Variants in PDE4D observed in about 807,000 individuals in gnomAD.
PDE4D encodes the protein 3',5'-cyclic-AMP phosphodiesterase 4D.
Under a neutral mutation model 87.4 loss-of-function variants are expected in PDE4D, and 24 were observed. The observed-to-expected ratio is 0.27, with a 90% CI of 0.20 to 0.39. The LOEUF is 0.39. Ranked by LOEUF, PDE4D falls within the 10% of genes least tolerant of loss-of-function variation. PDE4D has a pLI of 1.00. For missense variants in PDE4D, 714 were observed against 1,041.0 expected, an observed-to-expected ratio of 0.69 and a Z score of 4.32; for synonymous variants, 384 against 383.2, an observed-to-expected ratio of 1.00 and a Z score of -0.02.
intron 2 of PDE4D, among the ~76,000 whole-genome samples, chr5:60,153,855 G>C (rs1562159010): frequency 6.6e-6 from 1 of 152,210 alleles, no homozygotes; most frequent in Admixed American, 6.5e-5. Context: ...GCCAGGGTCT[G>C]AGGAGGGGGA....
At chr5:60,090,001 T>C (rs960782964) in intron 2 of PDE4D, among the ~76,000 whole-genome samples, 1 of 151,856 alleles carries the variant, frequency 6.6e-6, no homozygotes, top group African/African-American at 2.4e-5. Flanking sequence ...AAACCAGTAA[T>C]GAGTATGAGA....
chr5:59,767,397 T>C (rs995169541), intron 1 of PDE4D, among the ~76,000 whole-genome samples: 2 of 152,164 alleles, frequency 1.3e-5, no homozygotes, highest in Non-Finnish European at 2.9e-5. Context: ...GAGTTTGGAA[T>C]GGCCTCTACT....
At chr5:59,658,741 C>T (rs1417961264) in intron 1 of PDE4D, among the ~76,000 whole-genome samples, 1 of 152,070 alleles carries the variant, frequency 6.6e-6, no homozygotes, top group African/African-American at 2.4e-5. Flanking sequence ...ATATACATTG[C>T]CAATGCCAAA....
At chr5:59,259,280 C>G (rs1761539526) in intron 1 of PDE4D, among the ~76,000 whole-genome samples, 1 of 151,780 alleles carries the variant, frequency 6.6e-6, no homozygotes, top group Non-Finnish European at 1.5e-5. Context: ...GCTTTTCCCC[C>G]TTGTCCAAAA....
intron 5 of PDE4D, among the ~76,000 whole-genome samples, chr5:59,086,365 C>T (rs976939981): frequency 3.9e-5 from 6 of 152,118 alleles, no homozygotes; most frequent in African/African-American, 1.4e-4. Flanking sequence ...CAAAGAATAC[C>T]TTCTCCATCA....
At chr5:60,338,060 T>A (rs766102506) in intron 1 of PDE4D, among the ~76,000 whole-genome samples, 1 of 152,146 alleles carries the variant, frequency 6.6e-6, no homozygotes, top group Non-Finnish European at 1.5e-5. Flanking sequence ...AGTTCAGCCT[T>A]CAAAGCAGGG....
At chr5:59,294,473 G>A (rs567717804) in intron 1 of PDE4D, among the ~76,000 whole-genome samples, 2 of 152,200 alleles carry the variant, frequency 1.3e-5, no homozygotes, top group African/African-American at 4.8e-5. Flanking sequence ...CTGACACTCT[G>A]GGCTACACAG....
At chr5:59,053,684 G>A (rs532281322) in intron 5 of PDE4D, among the ~76,000 whole-genome samples, 7 of 122,988 alleles carry the variant, frequency 5.7e-5, no homozygotes, top group Non-Finnish European at 9.6e-5. Flanking sequence ...GGCCAGGCAC[G>A]GTCGCTCATG....
At chr5:60,371,339 G>T (rs929748463) in intron 1 of PDE4D, among the ~76,000 whole-genome samples, 3 of 152,164 alleles carry the variant, frequency 2.0e-5, no homozygotes, top group Admixed American at 2.0e-4. Context: ...CGTTCAGTCC[G>T]CCATGTGGTG....
intron 1 of PDE4D, among the ~76,000 whole-genome samples, chr5:59,410,791 A>G (rs898376923): frequency 6.6e-6 from 1 of 152,084 alleles, no homozygotes; most frequent in Non-Finnish European, 1.5e-5. Flanking sequence ...TATTGTGAAT[A>G]GTGCTACAAT....
intron 1 of PDE4D, among the ~76,000 whole-genome samples, chr5:59,719,760 A>G (rs905431966): frequency 6.6e-6 from 1 of 152,214 alleles, no homozygotes; most frequent in Non-Finnish European, 1.5e-5. Flanking sequence ...ATAGCATAAC[A>G]CTATACATTT....
intron 1 of PDE4D, among the ~76,000 whole-genome samples, chr5:59,355,564 T>C (rs1488214411): frequency 6.6e-6 from 1 of 152,204 alleles, no homozygotes; most frequent in Non-Finnish European, 1.5e-5. Context: ...ATAGGAAGCA[T>C]ATAATTTAAA....
rs114926384 is a variant in PDE4D, at chr5:59,685,353, G to A, written c.455+207815C>T. On this transcript the variant is annotated intron_variant, in intron 1 of 14. Transcript: ENST00000340635. ...AGCTCTTCTGTGGTGATAGATTACA[G>A]CCAACTTTAGACATACTAAATTAAC... is the stretch of plus-strand genomic sequence containing the variant. Among the ~76,000 whole-genome samples the A allele has an allele frequency of 8.4e-3, 1,276 of 152,200 alleles. 20 individuals carry two copies. Among genetic ancestry groups the A allele is most frequent in the Non-Finnish European group, 9.6e-3 (656 of 67,996 alleles).
intron 2 of PDE4D, among the ~76,000 whole-genome samples, chr5:60,019,287 C>T (rs1765809490): frequency 6.6e-6 from 1 of 152,062 alleles, no homozygotes; most frequent in Non-Finnish European, 1.5e-5. Flanking sequence ...AACCAGTGAG[C>T]ATAATTCTTA....
At position 59,967,145 on chromosome 5, in the gene PDE4D, A is replaced by G. The variant is rs185034121; in HGVS notation, c.272+21343T>C. Among the ~76,000 whole-genome samples, 14 of 152,276 alleles carry G rather than the reference A, an allele frequency of 9.2e-5. No individual in the cohort carries two copies. The East Asian group carries it at 2.7e-3, about 29-fold the overall frequency. On this transcript the variant is annotated intron_variant, in intron 3 of 16. Coordinates refer to the PDE4D transcript ENST00000502484. ...GGGTTACTTTGGCATAATCGGAGTC[A>G]GCTTATGTCACTCTCAGATAATTAT...
intron 1 of PDE4D, among the ~76,000 whole-genome samples, chr5:59,810,735 A>G (rs889391942): frequency 6.6e-6 from 1 of 152,224 alleles, no homozygotes; most frequent in Admixed American, 6.5e-5. Context: ...GTTCCTACGT[A>G]TTCCCATTTT....
chr5:60,211,113 T>C (rs1215329106), intron 1 of PDE4D, among the ~76,000 whole-genome samples: 1 of 152,174 alleles, frequency 6.6e-6, no homozygotes, highest in East Asian at 1.9e-4. Context: ...TCTGCTGAAA[T>C]GACAGAGGTG....
intron 2 of PDE4D, among the ~76,000 whole-genome samples, chr5:60,012,058 G>A (rs190671632): frequency 1.1e-4 from 16 of 152,164 alleles, no homozygotes; most frequent in Middle Eastern, 6.8e-3. Context: ...ACTATAGGTA[G>A]AAATGCTGTG....
At chr5:59,633,504 C>T (rs1344701929) in intron 1 of PDE4D, among the ~76,000 whole-genome samples, 1 of 152,124 alleles carries the variant, frequency 6.6e-6, no homozygotes, top group Non-Finnish European at 1.5e-5. Context: ...TTGGGTTACC[C>T]ACAAAGGGAA....
Sources: allele counts gnomAD v4.1 joint callset (sites outside exome capture counted in the v4.1 genomes callset), GRCh38; gene constraint gnomAD v4.1.1; transcripts MANE v1.5; gene names NCBI Gene and HGNC (gene_info 2026-07-23, HGNC 2026-07-21).